The following TMEM167A variants were observed in gnomAD, a reference collection of about 807,000 sequenced individuals.
TMEM167A encodes the protein transmembrane protein 167A.
Under a neutral mutation model 11.6 loss-of-function variants are expected in TMEM167A, and 8 were observed. The ratio of observed to expected loss-of-function variants is 0.69; its 90% CI spans 0.40 to 1.24. TMEM167A has a LOEUF of 1.24. TMEM167A is among the 50% of genes most tolerant of loss of function. TMEM167A has a pLI of 0.01. For synonymous variants in TMEM167A, 22 were observed against 28.0 expected, an observed-to-expected ratio of 0.79 and a Z score of 0.67; for missense variants, 62 against 87.0, an observed-to-expected ratio of 0.71 and a Z score of 1.14.
chr5:83,063,666 G>C (rs1378654222), intron 2 of TMEM167A, among the ~76,000 whole-genome samples: 2 of 151,804 alleles, frequency 1.3e-5, no homozygotes, highest in African/African-American at 4.8e-5. Context: ...TCTCTACCTA[G>C]ATATATTTCT....
intron 1 of TMEM167A, among the ~76,000 whole-genome samples, chr5:83,067,356 T>C (rs1561303642): frequency 6.6e-6 from 1 of 152,178 alleles, no homozygotes; most frequent in Non-Finnish European, 1.5e-5. Flanking sequence ...ATATACATTA[T>C]TTACCAATAT....
rs563215495 is a variant in TMEM167A at position 83,064,732 on chromosome 5, T to C, written c.113+276A>G. Among the ~76,000 whole-genome samples the C allele has an allele frequency of 9.1e-4, 138 of 152,234 alleles. No homozygotes were observed. The Middle Eastern group carries it at 0.014, about 15-fold the overall frequency. On this transcript the variant is annotated intron_variant, in intron 2 of 3. Transcript: ENST00000502346. ...GATGGAGTATTATCATAAAAACTGA[T>C]GGACAACTAACATCTATTTTCACCT...
In TMEM167A at chr5:83,071,655, T is replaced by A. The variant is rs116714505; in HGVS notation, c.3+5666A>T. On this transcript the variant is annotated intron_variant, in intron 1 of 3. Coordinates refer to ENST00000502346, the MANE Select transcript of TMEM167A (RefSeq NM_174909.5). ...GATTTCCACTAATACATAAAAATTATCAACATTTTCTTTTGGCATTATTAG... is the reference window on the plus strand; with the variant it reads ...GATTTCCACTAATACATAAAAATTAACAACATTTTCTTTTGGCATTATTAG... Among the ~76,000 whole-genome samples, 411 of 152,346 alleles carry A rather than the reference T, an allele frequency of 2.7e-3. 3 individuals are homozygous for A. The highest frequency in any genetic ancestry group is 4.5e-3 in the Non-Finnish European group (306 of 68,018).
chr5:83,052,981 T>C lies in TMEM167A; in HGVS notation c.*4103A>G, dbSNP rs1744280414. ...CTTTTTTTCTGATATTGGAGTAGCA[T>C]TTCAGATTTTGGAGATTAGCTTAGG... On this transcript the variant is annotated 3_prime_UTR_variant, in exon 4 of 4. Transcript: ENST00000502346. 1 of 151,890 alleles carries C rather than the reference T, an allele frequency of 6.6e-6. No individual in the cohort carries two copies. Among genetic ancestry groups the C allele is most frequent in the Non-Finnish European group, 1.5e-5 (1 of 67,882 alleles). 9.4% of individuals were successfully genotyped at this position (151,890 alleles called of 1,614,324 possible). A position where few individuals can be genotyped will look rare whatever the true frequency, so the allele number is the denominator to read the frequency against.
At chr5:83,062,850 C>CTTTTTT (rs76736747) in intron 2 of TMEM167A, among the ~76,000 whole-genome samples, 1 of 139,098 alleles carries the variant, frequency 7.2e-6, no homozygotes, top group African/African-American at 2.6e-5. Flanking sequence ...TTATAGTATA[C>CTTTTTT]TTTTTTTTTT....
chr5:83,057,584 A>G (rs1347962889), intron 3 of TMEM167A, among the ~76,000 whole-genome samples: 1 of 152,084 alleles, frequency 6.6e-6, no homozygotes, highest in African/African-American at 2.4e-5. Context: ...ACTGGTAGCA[A>G]TTTGTGACAC....
At chr5:83,067,326 A>G (rs1467313949) in intron 1 of TMEM167A, among the ~76,000 whole-genome samples, 1 of 152,198 alleles carries the variant, frequency 6.6e-6, no homozygotes, top group Non-Finnish European at 1.5e-5. Flanking sequence ...CATGCAAACT[A>G]CTGAAAAAAT....
chr5:83,065,136 AAG>A lies in TMEM167A; in HGVS notation c.4-21_4-20del. ...TGGCAGACTAAAAAGAAAAAAAAAA[AAG>A]AAAAATTAATATCAAGAAAAACTGC... On this transcript the variant is annotated intron_variant, in intron 1 of 3. Transcript: ENST00000502346. 2 of 1,467,140 alleles carry A rather than the reference AAG, an allele frequency of 1.4e-6. No homozygotes were observed. The highest frequency in any genetic ancestry group is 1.9e-6 in the Non-Finnish European group (2 of 1,075,044). The allele number at this position is 1,467,140 out of a possible 1,614,324, so 90.9% of individuals were successfully genotyped here.
chr5:83,062,003 T>C (rs923890766), intron 2 of TMEM167A, 92 bp from the exon 3 acceptor site: 52 of 1,016,744 alleles, frequency 5.1e-5, no homozygotes, highest in Non-Finnish European at 6.9e-5. Context: ...TAATTGTATA[T>C]TAACATATTA....
At chr5:83,071,578 A>C (rs572311796) in intron 1 of TMEM167A, 43 of 152,340 alleles carry the variant, frequency 2.8e-4, no homozygotes, top group African/African-American at 9.6e-4. Flanking sequence ...TGAATGCACA[A>C]ACACACATAT....
chr5:83,064,547 A>G (rs1452793409), intron 2 of TMEM167A, among the ~76,000 whole-genome samples: 1 of 152,122 alleles, frequency 6.6e-6, no homozygotes, highest in African/African-American at 2.4e-5. Context: ...CGGGTACAGA[A>G]GGGAAAGATA....
At chr5:83,076,729 G>A (rs1021729022) in intron 1 of TMEM167A, among the ~76,000 whole-genome samples, 3 of 152,212 alleles carry the variant, frequency 2.0e-5, no homozygotes, top group Non-Finnish European at 2.9e-5. Context: ...AAGGCCTGAG[G>A]CTAGACACCA....
At chr5:83,064,867 T>G in intron 2 of TMEM167A, 141 bp downstream of exon 2, 1 of 579,994 alleles carries the variant, frequency 1.7e-6, no homozygotes, top group South Asian at 2.6e-5. Flanking sequence ...GTTTTTGAAT[T>G]TTTAACAGGA....
chr5:83,074,358 C>T (rs1298483044), intron 1 of TMEM167A, among the ~76,000 whole-genome samples: 3 of 152,188 alleles, frequency 2.0e-5, no homozygotes, highest in African/African-American at 7.2e-5. Context: ...TTACTTCTTT[C>T]TTGGGGACAT....
chr5:83,063,970 T>C (rs1744443223), intron 2 of TMEM167A, among the ~76,000 whole-genome samples: 1 of 152,076 alleles, frequency 6.6e-6, no homozygotes, highest in African/African-American at 2.4e-5. Flanking sequence ...AAGCATGGTA[T>C]ATATTCTCAG....
chr5:83,072,017 T>C (rs73136159), intron 1 of TMEM167A, among the ~76,000 whole-genome samples: 26 of 152,344 alleles, frequency 1.7e-4, no homozygotes, highest in African/African-American at 6.3e-4. Flanking sequence ...TACTTAATAC[T>C]TTCCATTTAA....
intron 1 of TMEM167A, among the ~76,000 whole-genome samples, chr5:83,072,068 T>G (rs1359842099): frequency 6.6e-6 from 1 of 152,112 alleles, no homozygotes; most frequent in Admixed American, 6.5e-5. Flanking sequence ...CAGTACAGAG[T>G]AGAAGCGCTT....
At chr5:83,071,409 A>T (rs1386143002) in intron 1 of TMEM167A, 2 of 152,194 alleles carry the variant, frequency 1.3e-5, no homozygotes, top group African/African-American at 4.8e-5. Flanking sequence ...GTGGAAGGGA[A>T]CACAGAAATG....
chr5:83,063,002 A>G (rs1466419435), intron 2 of TMEM167A, among the ~76,000 whole-genome samples: 2 of 152,050 alleles, frequency 1.3e-5, no homozygotes, highest in Non-Finnish European at 2.9e-5. Context: ...AAGGTCTCTT[A>G]GCCTATCAAC....
Sources: gnomAD v4.1 joint callset for allele counts (sites outside exome capture counted in the v4.1 genomes callset) on GRCh38, gnomAD v4.1.1 for gene constraint, MANE v1.5 for transcripts, NCBI Gene and HGNC (gene_info 2026-07-23, HGNC 2026-07-21) for gene names.